MEI4: variants seen among roughly 807,000 people sequenced by gnomAD.
MEI4 encodes meiosis-specific protein MEI4.
MEI4 carries 27 observed loss-of-function variants against 31.4 expected under a neutral mutation model. That is an observed-to-expected ratio of 0.86 (90% CI 0.63 to 1.19). The LOEUF (loss-of-function observed/expected upper bound fraction) is 1.19, where lower values mean the gene tolerates loss of function less well. Among genes scored for constraint, MEI4 ranks in the 50% most tolerant of loss-of-function variants. The pLI is 0.00. For missense variants in MEI4, 329 were observed against 398.9 expected (o/e 0.82, Z 1.49); for synonymous variants, 122 against 145.4 (o/e 0.84, Z 1.16).
intron 4 of MEI4, among the ~76,000 whole-genome samples, chr6:77,835,845 C>A (rs1311182864): frequency 6.6e-6 from 1 of 151,714 alleles, no homozygotes; most frequent in Non-Finnish European, 1.5e-5. Context: ...TAAATTATTT[C>A]TGTATTAACA....
At chr6:77,883,745 A>ATATATATCTAT (rs55947073) in intron 4 of MEI4, among the ~76,000 whole-genome samples, 13 of 82,310 alleles carry the variant, frequency 1.6e-4, no homozygotes, top group South Asian at 1.1e-3. Context: ...TATATATATA[A>ATATATATCTAT]CTTTGTCTTT....
rs140495350 is a variant in MEI4, at chr6:77,706,307, C to T, written c.232+15404C>T. Among the ~76,000 whole-genome samples the T allele has an allele frequency of 1.4e-3, 213 of 152,290 alleles. 1 individual carries two copies. Among genetic ancestry groups the T allele is most frequent in the African/African-American group, 4.5e-3 (187 of 41,568 alleles). On this transcript the variant is annotated intron_variant, in intron 2 of 4. Coordinates refer to ENST00000684080, the MANE Select transcript of MEI4 (RefSeq NM_001322247.2). ...CAGAAGGGGTCCTTCCCTGTGCCCA[C>T]AAGGAATGAGTGCCACACAGAGAGG...
At chr6:77,876,130 A>C (rs949954398) in intron 4 of MEI4, among the ~76,000 whole-genome samples, 2 of 152,198 alleles carry the variant, frequency 1.3e-5, no homozygotes, top group African/African-American at 4.8e-5. Flanking sequence ...TCTATATGAT[A>C]GATAGTTTCT....
intron 2 of MEI4, among the ~76,000 whole-genome samples, chr6:77,698,941 A>G (rs200376369): frequency 0.15 from 22,518 of 151,914 alleles, 1,779 homozygotes; most frequent in East Asian, 0.27. Context: ...ACATAGTCCC[A>G]TATTTCTTGG....
intron 4 of MEI4, among the ~76,000 whole-genome samples, chr6:77,891,142 T>G (rs945483588): frequency 6.6e-6 from 1 of 152,212 alleles, no homozygotes; most frequent in Non-Finnish European, 1.5e-5. Context: ...TGGATCTTTT[T>G]GGGATTCTTT....
intron 3 of MEI4, among the ~76,000 whole-genome samples, chr6:77,801,146 A>G (rs1358427822): frequency 1.3e-5 from 2 of 152,176 alleles, no homozygotes; most frequent in African/African-American, 4.8e-5. Context: ...TTGGTAAGCT[A>G]TTAATTATTG....
chr6:77,923,017 A>T, intron 4 of MEI4, 72 bp from the exon 5 acceptor site: 1 of 933,632 alleles, frequency 1.1e-6, no homozygotes. Context: ...TGAAACTCTG[A>T]TATCTTTATA....
At chr6:77,666,078 T>C (rs1376345181) in intron 1 of MEI4, among the ~76,000 whole-genome samples, 4 of 152,194 alleles carry the variant, frequency 2.6e-5, no homozygotes, top group East Asian at 1.9e-4. Flanking sequence ...TGGGTGCAGG[T>C]GGGCTGAGTC....
chr6:77,742,850 T>G (rs1238628457), intron 2 of MEI4, among the ~76,000 whole-genome samples: 1 of 152,080 alleles, frequency 6.6e-6, no homozygotes, highest in Non-Finnish European at 1.5e-5. Context: ...GCTAGCCAGT[T>G]TTCCCAGCAC....
chr6:77,743,132 A>C (rs993296029), intron 2 of MEI4, among the ~76,000 whole-genome samples: 10 of 152,136 alleles, frequency 6.6e-5, no homozygotes, highest in Non-Finnish European at 1.5e-4. Context: ...ATGAACTTGA[A>C]AGTAGTTTTT....
At chr6:77,741,370 G>A (rs1479343602) in intron 2 of MEI4, among the ~76,000 whole-genome samples, 1 of 152,108 alleles carries the variant, frequency 6.6e-6, no homozygotes, top group African/African-American at 2.4e-5. Flanking sequence ...TAGTATTTTA[G>A]AAGGGTGACT....
intron 2 of MEI4, among the ~76,000 whole-genome samples, chr6:77,748,310 A>G (rs12524278): frequency 0.069 from 10,572 of 152,200 alleles, 557 homozygotes; most frequent in Non-Finnish European, 0.11. Context: ...ATTTCCATAC[A>G]TCCTCTGAAA....
intron 3 of MEI4, among the ~76,000 whole-genome samples, chr6:77,796,289 A>G (rs1052449503): frequency 6.6e-6 from 1 of 152,184 alleles, no homozygotes; most frequent in East Asian, 1.9e-4. Context: ...GAAAAGTTGA[A>G]AAGTTTACCT....
chr6:77,888,334 CTTT>C (rs59851856), intron 4 of MEI4, among the ~76,000 whole-genome samples: 1 of 142,796 alleles, frequency 7.0e-6, no homozygotes, highest in Non-Finnish European at 1.5e-5. Flanking sequence ...TATCCTTTTT[CTTT>C]TTTTTTTTTC....
chr6:77,922,543 C>T (rs761161728), intron 4 of MEI4, among the ~76,000 whole-genome samples: 27 of 151,646 alleles, frequency 1.8e-4, no homozygotes, highest in African/African-American at 6.0e-4. Flanking sequence ...CACATTCAAC[C>T]ATCTAGTCCA....
Position 77,917,907 on chromosome 6 carries a change from C to A in MEI4, c.901-5182C>A, listed in dbSNP as rs1057113796. On this transcript the variant is annotated intron_variant, in intron 4 of 4. Coordinates refer to ENST00000684080, the MANE Select transcript of MEI4 (RefSeq NM_001322247.2). ...AGGGTTTTTATGGTTTTAGGTCTAA[C>A]GTTTAAGTCTTTAATCCATCTTGAA... is the stretch of plus-strand genomic sequence containing the variant. Among the ~76,000 whole-genome samples the A allele has an allele frequency of 7.7e-3, 1,146 of 148,050 alleles. 18 individuals carry two copies. Among genetic ancestry groups the A allele is most frequent in the African/African-American group, 0.028 (1,096 of 39,834 alleles).
At chr6:77,701,600 TATAC>T (rs1021532052) in intron 2 of MEI4, among the ~76,000 whole-genome samples, 3 of 146,966 alleles carry the variant, frequency 2.0e-5, no homozygotes, top group South Asian at 2.1e-4. Flanking sequence ...TGTAATGTAA[TATAC>T]ATAGATATAT....
intron 3 of MEI4, among the ~76,000 whole-genome samples, chr6:77,771,092 CA>C (rs1333269277): frequency 6.6e-6 from 1 of 151,646 alleles, no homozygotes; most frequent in Non-Finnish European, 1.5e-5. Flanking sequence ...AATTTACAAA[CA>C]AAAAACAAAC....
At chr6:77,871,653 A>G (rs551515515) in intron 4 of MEI4, among the ~76,000 whole-genome samples, 1 of 152,296 alleles carries the variant, frequency 6.6e-6, no homozygotes, top group East Asian at 1.9e-4. Flanking sequence ...ACCAGGCAAT[A>G]TACACATGTA....
Sources: gnomAD v4.1 joint callset for allele counts (sites outside exome capture counted in the v4.1 genomes callset) on GRCh38, gnomAD v4.1.1 for gene constraint, MANE v1.5 for transcripts, NCBI Gene and HGNC (gene_info 2026-07-23, HGNC 2026-07-21) for gene names.